Variants in UBR2 observed in about 807,000 individuals in gnomAD.
The protein encoded by UBR2 is ubiquitin protein ligase E3 component n-recognin 2.
Under a neutral mutation model 247.9 loss-of-function variants are expected in UBR2, and 92 were observed. The ratio of observed to expected loss-of-function variants is 0.37; its 90% confidence interval spans 0.31 to 0.44. UBR2 has a LOEUF of 0.44. UBR2 is among the 20% of genes least tolerant of loss of function. The pLI is 1.00. For synonymous variants in UBR2, 672 were observed against 693.5 expected (o/e 0.97, Z 0.49); for missense variants, 1,613 against 2,112.6 (o/e 0.76, Z 4.64).
intron 1 of UBR2, among the ~76,000 whole-genome samples, chr6:42,565,683 C>T (rs1056545849): frequency 6.6e-6 from 1 of 152,092 alleles, no homozygotes; most frequent in African/African-American, 2.4e-5. Context: ...GCCTCAGCCC[C>T]TCGAGTAGCT....
At chr6:42,682,006 G>A (rs748810599) in intron 42 of UBR2, among the ~76,000 whole-genome samples, 17 of 152,088 alleles carry the variant, frequency 1.1e-4, no homozygotes, top group African/African-American at 3.4e-4. Context: ...CCTGGGAGGC[G>A]GAGGTTGCAG....
At chr6:42,671,324 C>G (rs567916118) in intron 36 of UBR2, among the ~76,000 whole-genome samples, 1 of 151,488 alleles carries the variant, frequency 6.6e-6, no homozygotes, top group Admixed American at 6.6e-5. Context: ...TTGGGAAGAT[C>G]ACTGGAGCTG....
At chr6:42,678,371 CA>C (rs1379219901) in intron 40 of UBR2, among the ~76,000 whole-genome samples, 167 bp from the exon 41 acceptor site, 1 of 152,228 alleles carries the variant, frequency 6.6e-6, no homozygotes, top group Non-Finnish European at 1.5e-5. Context: ...GCTGTGTCAC[CA>C]CTTACACCTG....
chr6:42,637,613 C>T (rs532710595), intron 15 of UBR2, among the ~76,000 whole-genome samples: 1 of 152,244 alleles, frequency 6.6e-6, no homozygotes, highest in Admixed American at 6.5e-5. Context: ...TTGAAGCCAC[C>T]CTAGGTTTTC....
In UBR2 at chr6:42,615,115, C is replaced by T; in HGVS notation, c.1030C>T (p.Pro344Ser). The change falls in exon 9 of 47, where the codon CCA becomes TCA. Residue 344 changes from proline (P) to serine (S), a missense_variant. Around this residue, in one of 3 missense-constraint regions of UBR2, gnomAD observed 1,524 missense variants for 1,967.3 expected, o/e 0.77. Transcript: ENST00000372901. ...ATGTCAAGTTGGTTTACAAGAAGGG[C>T]CAGATGGTGAAAACTCTTCTCTAGT... ...ILCQVGLQEGPDGENSSLVDR... is the reference protein window; with the variant it reads ...ILCQVGLQEGSDGENSSLVDR... 1 of 1,613,522 alleles carries T rather than the reference C, an allele frequency of 6.2e-7. No homozygotes were observed. The highest frequency in any genetic ancestry group is 8.5e-7 in the Non-Finnish European group (1 of 1,179,792).
In UBR2 at chr6:42,676,861, A is replaced by T; in HGVS notation, c.4466A>T (p.Gln1489Leu). The T allele has an allele frequency of 6.2e-7, 1 of 1,613,558 alleles. No individual in the cohort carries two copies. The highest frequency in any genetic ancestry group is 8.5e-7 in the Non-Finnish European group (1 of 1,179,532). Reference protein sequence around the residue: ...AVLALYKTLHQYTGSALKEIP... With the variant: ...AVLALYKTLHLYTGSALKEIP... The stretch of plus-strand genomic sequence containing the variant: ...CTTGCTTTGTATAAAACACTTCACC[A>T]GTATACGGGAAGGTGAGTTAGTTAT... Residue 1489 changes from glutamine (Q) to leucine (L), a missense_variant, in exon 40 of 47, where the codon CAG becomes CTG. By Grantham distance (113) the Gln-to-Leu change is moderately radical. Transcript: ENST00000372901.
At chr6:42,595,324 G>T (rs1250581131) in intron 4 of UBR2, among the ~76,000 whole-genome samples, 2 of 152,154 alleles carry the variant, frequency 1.3e-5, no homozygotes, top group African/African-American at 2.4e-5. Flanking sequence ...TACATTTTAT[G>T]ACAATTTGTT....
In UBR2 at chr6:42,658,328, C is replaced by T. The variant is rs1797561172; in HGVS notation, c.3063+8C>T. 6.2e-7 allele frequency: 1 copy of T among 1,605,706 alleles called. No individual in the cohort carries two copies. The highest frequency in any genetic ancestry group is 1.7e-5 in the Admixed American group (1 of 57,944). ...GGAACCATAATGGAAGAGGTATAAA[C>T]AGTAAAAAGTGTGATAATACTAAAA... On this transcript the variant is annotated splice_region_variant and intron_variant, in intron 28 of 46. Transcript: ENST00000372901.
At chr6:42,633,163 TTTGTTG>T (rs78126394) in intron 13 of UBR2, among the ~76,000 whole-genome samples, 2,200 of 149,716 alleles carry the variant, frequency 0.015, 15 homozygotes, top group Non-Finnish European at 0.021. Context: ...GCCCAGCTTC[TTTGTTG>T]TTGTTGTTGT....
rs540296626 is a variant in UBR2, at chr6:42,594,172, T to G, written c.418-19T>G. 1 of 1,585,046 alleles carries G rather than the reference T, an allele frequency of 6.3e-7. No individual in the cohort carries two copies. The highest frequency in any genetic ancestry group is 1.7e-5 in the Admixed American group (1 of 59,046). ...CAGTAAATATTTATTGACAAGATAC[T>G]TTACAATTTTTTTCCAAGATGACAA... On this transcript the variant is annotated intron_variant, in intron 3 of 46. Coordinates refer to ENST00000372901, the MANE Select transcript of UBR2 (RefSeq NM_001363705.2).
At chr6:42,565,234 C>G (rs946469497) in intron 1 of UBR2, among the ~76,000 whole-genome samples, 8 of 152,126 alleles carry the variant, frequency 5.3e-5, no homozygotes, top group African/African-American at 1.9e-4. Flanking sequence ...GTGTAAATAG[C>G]AGAGTTGTAG....
intron 28 of UBR2, among the ~76,000 whole-genome samples, 154 bp downstream of exon 28, chr6:42,658,474 T>G (rs1483888245): frequency 6.6e-6 from 1 of 150,982 alleles, no homozygotes. Flanking sequence ...AGCAATTTTT[T>G]GTCTGCTTTT....
Position 42,606,652 on chromosome 6 carries a change from G to A in UBR2, c.864+1G>A. The A allele has an allele frequency of 6.2e-7, 1 of 1,600,722 alleles. No individual in the cohort carries two copies. The highest frequency in any genetic ancestry group is 8.5e-7 in the Non-Finnish European group (1 of 1,174,330). ...TGAGCAAGCAAAATCAGTAATTGTG[G>A]TAAGTAATTTAAAAACATGCTTATA... On this transcript the variant is annotated splice_donor_variant, in intron 7 of 46. Coordinates refer to ENST00000372901, the MANE Select transcript of UBR2 (RefSeq NM_001363705.2). LOFTEE classifies it high-confidence loss of function.
intron 20 of UBR2, 51 bp from the exon 21 acceptor site, chr6:42,645,415 G>A: frequency 1.3e-6 from 2 of 1,526,700 alleles, no homozygotes; most frequent in South Asian, 1.1e-5. Context: ...TATCACGAAA[G>A]TATTGTGATT....
Position 42,665,511 on chromosome 6 carries a change from T to C in UBR2, c.3801T>C (p.Pro1267=). 6.2e-7 allele frequency: 1 copy of C among 1,600,918 alleles called. No individual in the cohort carries two copies. Among genetic ancestry groups the C allele is most frequent in the Admixed American group, 1.7e-5 (1 of 59,482 alleles). Residue 1267 remains proline (P), a splice_region_variant and synonymous_variant, in exon 33 of 47, where the codon CCT becomes CCC. Coordinates refer to ENST00000372901, the MANE Select transcript of UBR2 (RefSeq NM_001363705.2). ...LQFLRKEEST[P]NNASTKNSEN... ...TTCTTAGGAAAGAAGAAAGTACTCC[T>C]AGTAAGTTCTGGTAACCTGTTTTCA... is the stretch of plus-strand genomic sequence containing the variant.
chr6:42,601,734 A>T (rs1471703385), intron 4 of UBR2, among the ~76,000 whole-genome samples: 1 of 151,424 alleles, frequency 6.6e-6, no homozygotes, highest in Non-Finnish European at 1.5e-5. Context: ...AGCAGCCTGT[A>T]TGAGAAGAGT....
intron 2 of UBR2, among the ~76,000 whole-genome samples, chr6:42,591,765 G>C (rs537147298): frequency 2.2e-4 from 33 of 152,224 alleles, no homozygotes; most frequent in Middle Eastern, 6.8e-3. Flanking sequence ...ATACCTGTTT[G>C]GAAGAAGTTA....
Position 42,658,267 on chromosome 6 carries a change from G to A in UBR2, c.3010G>A (p.Glu1004Lys). The A allele has an allele frequency of 6.2e-7, 1 of 1,613,830 alleles. No homozygotes were observed. Residue 1004 changes from glutamate to lysine, a missense_variant, in exon 28 of 47, where the codon GAG becomes AAG. By Grantham distance (56) the Glu-to-Lys change is moderately conservative (BLOSUM62 1). Around this residue, in one of 3 missense-constraint regions of UBR2, gnomAD observed 1,524 missense variants for 1,967.3 expected, o/e 0.77. Transcript: ENST00000372901. ...KTFNAVKKMR[E>K]SSPTSPVAET... ...TTTTAATGCTGTTAAAAAGATGAGGGAGAGTTCACCTACCAGTCCCGTGGC... is the reference window on the plus strand; with the variant it reads ...TTTTAATGCTGTTAAAAAGATGAGGAAGAGTTCACCTACCAGTCCCGTGGC...
In UBR2 at chr6:42,679,744, G is replaced by C. The variant is rs750764886; in HGVS notation, c.4630G>C (p.Glu1544Gln). ...TGCAGTTCCTGGAACAAGCCATTTTGAACATTTATGTAGCTATCTTTCCCT... is the reference window on the plus strand; with the variant it reads ...TGCAGTTCCTGGAACAAGCCATTTTCAACATTTATGTAGCTATCTTTCCCT... ...DIQVPGTSHF[E>Q]HLCSYLSLPN... The change falls in exon 42 of 47, where the codon GAA (glutamate) becomes CAA (glutamine). Residue 1544 changes from glutamate (E) to glutamine (Q), a missense_variant. Coordinates refer to ENST00000372901, the MANE Select transcript of UBR2 (RefSeq NM_001363705.2). The C allele has an allele frequency of 1.4e-5, 23 of 1,612,778 alleles. No homozygotes were observed. Among genetic ancestry groups the C allele is most frequent in the South Asian group, 3.3e-5 (3 of 90,762 alleles).
Sources: gnomAD v4.1 joint callset for allele counts (sites outside exome capture counted in the v4.1 genomes callset) on GRCh38, gnomAD v4.1.1 for gene constraint, gnomAD v4.1.1 regional missense constraint, MANE v1.5 for transcripts, NCBI Gene and HGNC (gene_info 2026-07-23, HGNC 2026-07-21) for gene names.